KIAA1217: variants seen among roughly 807,000 people sequenced by gnomAD.
KIAA1217 encodes KIAA1217.
A neutral mutation model predicts 163.9 loss-of-function variants in KIAA1217; 88 were observed. That is an observed-to-expected ratio of 0.54 (90% CI 0.45 to 0.64). The LOEUF is 0.64. Among genes scored for constraint, KIAA1217 ranks in the 30% least tolerant of loss-of-function variants. KIAA1217 has a pLI of 0.00. For missense variants in KIAA1217, 2,372 were observed against 2,475.0 expected, an observed-to-expected ratio of 0.96 and a Z score of 0.88; for synonymous variants, 903 against 923.1, an observed-to-expected ratio of 0.98 and a Z score of 0.39.
intron 2 of KIAA1217, among the ~76,000 whole-genome samples, chr10:24,250,696 G>C (rs1261755224): frequency 1.3e-5 from 1 of 77,882 alleles, no homozygotes; most frequent in African/African-American, 5.4e-5. Flanking sequence ...CCCACCCCCC[G>C]CCCCTCGGCC....
At chr10:24,092,104 G>T (rs911715582) in intron 2 of KIAA1217, among the ~76,000 whole-genome samples, 1 of 151,460 alleles carries the variant, frequency 6.6e-6, no homozygotes, top group African/African-American at 2.4e-5. Flanking sequence ...CTCTCTGTCT[G>T]CTTCCTCCTT....
chr10:23,901,386 GT>G (rs1275125590), intron 1 of KIAA1217, among the ~76,000 whole-genome samples: 1 of 152,024 alleles, frequency 6.6e-6, no homozygotes, highest in African/African-American at 2.4e-5. Flanking sequence ...CTGGCTTCAA[GT>G]TTGACAAATC....
chr10:23,990,794 T>TA (rs1252789295), intron 1 of KIAA1217, among the ~76,000 whole-genome samples: 1 of 152,142 alleles, frequency 6.6e-6, no homozygotes, highest in East Asian at 1.9e-4. Flanking sequence ...GGGTCCTAGT[T>TA]AAAAAATAAC....
intron 2 of KIAA1217, among the ~76,000 whole-genome samples, chr10:24,380,239 C>T (rs1055231286): frequency 6.6e-6 from 1 of 151,970 alleles, no homozygotes; most frequent in Non-Finnish European, 1.5e-5. Flanking sequence ...TAGAATTTGT[C>T]GGGCAAAAGG....
chr10:23,823,668 A>G (rs1288572387), intron 1 of KIAA1217, among the ~76,000 whole-genome samples: 2 of 152,188 alleles, frequency 1.3e-5, no homozygotes, highest in African/African-American at 4.8e-5. Flanking sequence ...TTCGTAGAAA[A>G]ATGAATATAA....
chr10:23,891,439 C>T (rs1481822617), intron 1 of KIAA1217, among the ~76,000 whole-genome samples: 8 of 151,856 alleles, frequency 5.3e-5, no homozygotes, highest in East Asian at 1.9e-4. Context: ...CCCATTTTCC[C>T]GACACTCTGG....
chr10:24,542,705 T>G lies in KIAA1217; in HGVS notation c.3547T>G (p.Phe1183Val), dbSNP rs1564903257. ...PPKEKKNLEF[F>V]HEDVRKSDVE... ...ACTATTCTACCAGAATTTGGAATTT[T>G]TCCATGAAGATGTACGGAAATCTGA... The change falls in exon 18 of 21, where the codon TTC becomes GTC. Residue 1183 changes from phenylalanine (F) to valine (V), a missense_variant. Transcript: ENST00000376454. The G allele has an allele frequency of 1.9e-6, 3 of 1,614,218 alleles. No homozygotes were observed. The highest frequency in any genetic ancestry group is 3.3e-5 in the Admixed American group (2 of 60,026).
At chr10:24,291,991 T>G (rs975499948) in intron 2 of KIAA1217, among the ~76,000 whole-genome samples, 9 of 152,130 alleles carry the variant, frequency 5.9e-5, no homozygotes, top group Non-Finnish European at 8.8e-5. Context: ...TGGAACAACA[T>G]TGGAGGATTT....
At chr10:24,187,881 A>T (rs2066517216) in intron 2 of KIAA1217, among the ~76,000 whole-genome samples, 1 of 147,662 alleles carries the variant, frequency 6.8e-6, no homozygotes, top group Non-Finnish European at 1.5e-5. Flanking sequence ...CAAGAGCAAA[A>T]CTCCATCTCA....
At chr10:23,926,326 T>C (rs1347666081) in intron 1 of KIAA1217, among the ~76,000 whole-genome samples, 4 of 152,224 alleles carry the variant, frequency 2.6e-5, no homozygotes. Flanking sequence ...TTGAGTTTCT[T>C]GTCTTTGAAA....
chr10:23,963,438 C>T (rs1353488552), intron 1 of KIAA1217, among the ~76,000 whole-genome samples: 1 of 152,156 alleles, frequency 6.6e-6, no homozygotes, highest in Non-Finnish European at 1.5e-5. Context: ...CTACAAAAGA[C>T]ATGAACTCAT....
chr10:24,257,079 G>A (rs2075241864), intron 2 of KIAA1217, among the ~76,000 whole-genome samples: 1 of 152,268 alleles, frequency 6.6e-6, no homozygotes, highest in South Asian at 2.1e-4. Flanking sequence ...CATGAATAGA[G>A]TGAGGTAAGG....
At chr10:24,157,382 T>C (rs2064926841) in intron 2 of KIAA1217, among the ~76,000 whole-genome samples, 1 of 152,244 alleles carries the variant, frequency 6.6e-6, no homozygotes, top group Non-Finnish European at 1.5e-5. Context: ...CTTTCTATAT[T>C]CTAGATACAA....
intron 9 of KIAA1217, among the ~76,000 whole-genome samples, chr10:24,506,663 A>T (rs2134104415): frequency 6.6e-6 from 1 of 152,354 alleles, no homozygotes; most frequent in South Asian, 2.1e-4. Flanking sequence ...AAATTAAACA[A>T]CACAGGACCG....
intron 2 of KIAA1217, among the ~76,000 whole-genome samples, chr10:24,066,963 G>A (rs975176347): frequency 3.3e-5 from 5 of 152,132 alleles, no homozygotes; most frequent in African/African-American, 7.2e-5. Flanking sequence ...CATTCGTCAC[G>A]TAGTTCTCAT....
chr10:24,546,225 G>C lies in KIAA1217; in HGVS notation c.5733G>C (p.Lys1911Asn). Residue 1911 changes from lysine (K) to asparagine (N), a missense_variant, in exon 21 of 21, where the codon AAG (lysine) becomes AAC (asparagine). This residue lies in a region of KIAA1217 where 690 missense variants were observed against 677.5 expected (regional missense o/e 1.02). Coordinates refer to ENST00000376454, the MANE Select transcript of KIAA1217 (RefSeq NM_019590.5). ...CCGTCTCACTGAATCAAGGTGCCAA[G>C]GGCACCAGGACCATCCATACTCCCA... ...ASSVSLNQGA[K>N]GTRTIHTPSL... 1.2e-6 allele frequency: 2 copies of C among 1,614,088 alleles called. No individual in the cohort carries two copies. Among genetic ancestry groups the C allele is most frequent in the South Asian group, 1.1e-5 (1 of 91,076 alleles).
intron 1 of KIAA1217, among the ~76,000 whole-genome samples, chr10:23,931,299 T>C (rs1843243558): frequency 6.6e-6 from 1 of 151,828 alleles, no homozygotes; most frequent in African/African-American, 2.4e-5. Context: ...GAGTGACTTG[T>C]CCTTGATCGC....
intron 2 of KIAA1217, among the ~76,000 whole-genome samples, chr10:24,292,916 T>G (rs897635764): frequency 6.6e-6 from 1 of 152,084 alleles, no homozygotes. Flanking sequence ...TGAGTATATC[T>G]GGAAATACGC....
In KIAA1217 at chr10:24,546,040, T is replaced by G; in HGVS notation, c.5548T>G (p.Ser1850Ala). ...LSPQTGPPAH[S>A]ASLIPSVSNG... ...CCCCCAAACAGGACCACCTGCTCAC[T>G]CTGCCTCCCTCATCCCTTCTGTCTC... The change falls in exon 21 of 21, where the codon TCT becomes GCT. Residue 1850 changes from serine (S) to alanine (A), a missense_variant. By Grantham distance (99) the Ser-to-Ala change is moderately conservative. Transcript: ENST00000376454. The G allele has an allele frequency of 3.1e-6, 5 of 1,614,228 alleles. No homozygotes were observed. The highest frequency in any genetic ancestry group is 4.2e-6 in the Non-Finnish European group (5 of 1,180,046).
Sources: allele counts gnomAD v4.1 joint callset (sites outside exome capture counted in the v4.1 genomes callset), GRCh38; gene constraint gnomAD v4.1.1; regional missense constraint gnomAD v4.1.1; transcripts MANE v1.5; gene names NCBI Gene and HGNC (gene_info 2026-07-23, HGNC 2026-07-21).